Variants in MIPOL1 observed in about 807,000 individuals in gnomAD.
MIPOL1 encodes the protein mirror-image polydactyly gene 1 protein.
A neutral mutation model predicts 60.9 loss-of-function variants in MIPOL1; 57 were observed. That is an observed-to-expected ratio of 0.94 (90% confidence interval 0.76 to 1.17). MIPOL1 has a LOEUF of 1.17. Ranked by LOEUF, MIPOL1 falls within the 50% of genes most tolerant of loss-of-function variation. The pLI is 0.00. For synonymous variants in MIPOL1, 179 were observed against 168.8 expected, an observed-to-expected ratio of 1.06 and a Z score of -0.47; for missense variants, 551 against 511.6, an observed-to-expected ratio of 1.08 and a Z score of -0.74.
At chr14:37,426,793 A>G (rs1340366796) in intron 11 of MIPOL1, among the ~76,000 whole-genome samples, 1 of 151,692 alleles carries the variant, frequency 6.6e-6, no homozygotes, top group African/African-American at 2.4e-5. Context: ...AAAAACAGAT[A>G]AATCGTACAT....
chr14:37,240,815 A>G (rs1594680637), intron 1 of MIPOL1, among the ~76,000 whole-genome samples: 1 of 152,098 alleles, frequency 6.6e-6, no homozygotes, highest in African/African-American at 2.4e-5. Flanking sequence ...GTATTGTCTT[A>G]CCCTCCAAAT....
chr14:37,525,409 G>T (rs1031876498), intron 12 of MIPOL1, among the ~76,000 whole-genome samples: 1 of 152,156 alleles, frequency 6.6e-6, no homozygotes, highest in Non-Finnish European at 1.5e-5. Flanking sequence ...GGGCTATGTT[G>T]CTGTAAGTCT....
chr14:37,285,235 A>T, intron 6 of MIPOL1, 83 bp from the exon 7 acceptor site: 1 of 1,435,372 alleles, frequency 7.0e-7, no homozygotes, highest in Non-Finnish European at 9.7e-7. Flanking sequence ...AGTAATAATT[A>T]CTTATGGCTT....
intron 9 of MIPOL1, among the ~76,000 whole-genome samples, chr14:37,367,657 A>C (rs1003946845): frequency 6.6e-6 from 1 of 152,096 alleles, no homozygotes; most frequent in African/African-American, 2.4e-5. Flanking sequence ...CAGCAGCTCC[A>C]TGAAACGTTC....
chr14:37,226,546 AC>A (rs1297493788), intron 1 of MIPOL1, among the ~76,000 whole-genome samples: 4 of 152,070 alleles, frequency 2.6e-5, no homozygotes, highest in Admixed American at 2.0e-4. Context: ...GGGGGAAACC[AC>A]CCCCACGATT....
chr14:37,421,214 G>GTT (rs1049395497), intron 10 of MIPOL1, among the ~76,000 whole-genome samples: 2 of 151,942 alleles, frequency 1.3e-5, no homozygotes, highest in Non-Finnish European at 2.9e-5. Context: ...TGTTTTGTTG[G>GTT]TTGGTTTTGG....
intron 11 of MIPOL1, among the ~76,000 whole-genome samples, chr14:37,479,190 A>T (rs1048782408): frequency 6.6e-6 from 1 of 152,160 alleles, no homozygotes; most frequent in Non-Finnish European, 1.5e-5. Context: ...ACTTTAGCCC[A>T]AATGGAGCTA....
intron 1 of MIPOL1, among the ~76,000 whole-genome samples, chr14:37,215,844 G>C (rs1967563295): frequency 1.3e-5 from 2 of 152,162 alleles, no homozygotes; most frequent in South Asian, 2.1e-4. Context: ...AAGGCAGGCA[G>C]ATCACCTGAG....
chr14:37,356,453 C>T (rs2091837818), intron 9 of MIPOL1, among the ~76,000 whole-genome samples: 1 of 152,188 alleles, frequency 6.6e-6, no homozygotes, highest in African/African-American at 2.4e-5. Flanking sequence ...AGCTTCCAGG[C>T]TGCTTTGTTT....
intron 12 of MIPOL1, among the ~76,000 whole-genome samples, chr14:37,528,465 A>G (rs1367557673): frequency 6.6e-6 from 1 of 152,094 alleles, no homozygotes; most frequent in Non-Finnish European, 1.5e-5. Context: ...AAAAGTTTCT[A>G]TCAGTTAGAA....
chr14:37,356,678 C>G (rs941072952), intron 9 of MIPOL1, among the ~76,000 whole-genome samples: 1 of 152,162 alleles, frequency 6.6e-6, no homozygotes, highest in African/African-American at 2.4e-5. Context: ...TTCCAGGTGC[C>G]GTCCGTCACC....
At chr14:37,231,488 A>C (rs1970620153) in intron 1 of MIPOL1, among the ~76,000 whole-genome samples, 1 of 152,140 alleles carries the variant, frequency 6.6e-6, no homozygotes, top group African/African-American at 2.4e-5. Context: ...TAACATACTG[A>C]CTGATTTCTA....
chr14:37,376,943 T>C (rs1338273330), intron 10 of MIPOL1, among the ~76,000 whole-genome samples: 1 of 152,150 alleles, frequency 6.6e-6, no homozygotes, highest in African/African-American at 2.4e-5. Flanking sequence ...TCACCAGCAG[T>C]TGATGTTTCT....
chr14:37,210,324 C>A (rs1966723324), intron 1 of MIPOL1, among the ~76,000 whole-genome samples: 1 of 151,882 alleles, frequency 6.6e-6, no homozygotes, highest in South Asian at 2.1e-4. Flanking sequence ...CCTTTTGACA[C>A]CAGTCACAAG....
chr14:37,279,136 A>G (rs1314448935), intron 6 of MIPOL1, among the ~76,000 whole-genome samples: 1 of 151,244 alleles, frequency 6.6e-6, no homozygotes, highest in East Asian at 1.9e-4. Flanking sequence ...TGTTAATGTA[A>G]TTTAACTGCT....
At chr14:37,317,079 T>C (rs1378205796) in intron 9 of MIPOL1, among the ~76,000 whole-genome samples, 1 of 152,148 alleles carries the variant, frequency 6.6e-6, no homozygotes. Flanking sequence ...AGTATAAGAA[T>C]TGGCTTTTGT....
At chr14:37,391,549 C>G (rs535188012) in intron 10 of MIPOL1, among the ~76,000 whole-genome samples, 1 of 152,144 alleles carries the variant, frequency 6.6e-6, no homozygotes, top group African/African-American at 2.4e-5. Flanking sequence ...GTGCATGCCA[C>G]CACGTCCAGC....
chr14:37,530,098 CTGA>C (rs1339540991), intron 12 of MIPOL1, among the ~76,000 whole-genome samples: 1 of 152,032 alleles, frequency 6.6e-6, no homozygotes, highest in African/African-American at 2.4e-5. Context: ...AAACAATGTA[CTGA>C]TGTAGGTTGG....
intron 11 of MIPOL1, among the ~76,000 whole-genome samples, chr14:37,498,165 G>T (rs997917686): frequency 6.6e-6 from 1 of 152,122 alleles, no homozygotes; most frequent in East Asian, 1.9e-4. Context: ...TTTTGATAAA[G>T]GTTGGATTAG....
Sources: gnomAD v4.1 joint callset for allele counts (sites outside exome capture counted in the v4.1 genomes callset) on GRCh38, gnomAD v4.1.1 for gene constraint, MANE v1.5 for transcripts, NCBI Gene and HGNC (gene_info 2026-07-23, HGNC 2026-07-21) for gene names.